The following PRR5L variants were observed in gnomAD, a reference collection of about 807,000 sequenced individuals.
The protein encoded by PRR5L is proline rich 5 like.
In PRR5L, 21 loss-of-function variants were observed where a neutral mutation model predicts 36.4. That is an observed-to-expected ratio of 0.58 (90% CI 0.41 to 0.83). PRR5L has a LOEUF of 0.83. Among genes scored for constraint, PRR5L ranks in the 40% least tolerant of loss-of-function variants. The pLI, the probability that PRR5L is intolerant of heterozygous loss-of-function variation, is 0.00. For synonymous variants in PRR5L, 188 were observed against 197.0 expected (o/e 0.95, Z 0.38); for missense variants, 381 against 473.3 (o/e 0.80, Z 1.81).
intron 1 of PRR5L, among the ~76,000 whole-genome samples, chr11:36,318,943 C>T (rs1856586554): frequency 6.6e-6 from 1 of 152,170 alleles, no homozygotes; most frequent in African/African-American, 2.4e-5. Context: ...CTTGACTTTT[C>T]TCGATTTTTT....
At position 36,403,331 on chromosome 11, in the gene PRR5L, G is replaced by C; in HGVS notation, c.198G>C (p.Gly66=). 6.2e-7 allele frequency: 1 copy of C among 1,614,148 alleles called. No homozygotes were observed. The highest frequency in any genetic ancestry group is 8.5e-7 in the Non-Finnish European group (1 of 1,180,018). ...CTGCTGTGATCAACGTTTTCAAAGGGGGTGGCTTGCAAAGCAACGAGCTCT... is the reference window on the plus strand; with the variant it reads ...CTGCTGTGATCAACGTTTTCAAAGGCGGTGGCTTGCAAAGCAACGAGCTCT... ...VQTAVINVFK[G]GGLQSNELYA... is the part of the protein sequence containing the mutation. The change falls in exon 3 of 9, where the codon GGG becomes GGC. Residue 66 remains glycine (G), a synonymous_variant. Transcript: ENST00000530639.
At chr11:36,299,115 C>G (rs570690072) in intron 1 of PRR5L, among the ~76,000 whole-genome samples, 2 of 152,280 alleles carry the variant, frequency 1.3e-5, no homozygotes, top group East Asian at 3.9e-4. Flanking sequence ...TTCCATTCCT[C>G]CTGGTGGTCC....
chr11:36,409,861 T>C (rs1398616374), intron 3 of PRR5L, among the ~76,000 whole-genome samples: 2 of 152,194 alleles, frequency 1.3e-5, no homozygotes, highest in African/African-American at 2.4e-5. Flanking sequence ...CCCAGAGTCA[T>C]GTAGCCAGTA....
intron 1 of PRR5L, among the ~76,000 whole-genome samples, chr11:36,368,309 AATGGCTTG>A (rs1857164758): frequency 6.6e-6 from 1 of 152,116 alleles, no homozygotes; most frequent in Admixed American, 6.5e-5. Flanking sequence ...AGAATAGTCT[AATGGCTTG>A]ATGGGGATTT....
At position 36,462,865 on chromosome 11, in the gene PRR5L, G is replaced by A; in HGVS notation, c.*129G>A. The stretch of plus-strand genomic sequence containing the variant: ...CTTATTTCCTTTAGGGTACTGTCCT[G>A]GTCAAAATGACCTAAGGGGAAACCG... On this transcript the variant is annotated 3_prime_UTR_variant, in exon 9 of 9. Transcript: ENST00000530639. 1 of 882,566 alleles carries A rather than the reference G, an allele frequency of 1.1e-6. No individual in the cohort carries two copies. Among genetic ancestry groups the A allele is most frequent in the South Asian group, 2.3e-5 (1 of 44,158 alleles). 54.7% of individuals were successfully genotyped at this position (882,566 alleles called of 1,614,324 possible). A position where few individuals can be genotyped will look rare whatever the true frequency, so the allele number is the denominator to read the frequency against.
chr11:36,416,314 A>G (rs1858141736), intron 3 of PRR5L, among the ~76,000 whole-genome samples: 1 of 152,224 alleles, frequency 6.6e-6, no homozygotes, highest in South Asian at 2.1e-4. Context: ...ATCTTGACTT[A>G]AATTATTAAG....
At chr11:36,394,120 C>A (rs751679324) in intron 1 of PRR5L, 7 of 152,166 alleles carry the variant, frequency 4.6e-5, no homozygotes, top group African/African-American at 7.2e-5. Context: ...ATAAAAGAAA[C>A]CATAGGTAGC....
intron 1 of PRR5L, among the ~76,000 whole-genome samples, chr11:36,371,034 C>T (rs753725724): frequency 3.3e-4 from 50 of 152,192 alleles, no homozygotes; most frequent in Non-Finnish European, 6.0e-4. Context: ...TAATTCACTA[C>T]GAGCCACTTT....
intron 4 of PRR5L, among the ~76,000 whole-genome samples, chr11:36,430,782 G>A (rs556617400): frequency 8.4e-4 from 128 of 152,298 alleles, no homozygotes; most frequent in Middle Eastern, 3.4e-3. Flanking sequence ...TTGGGACTCA[G>A]GGAAATTAAA....
At chr11:36,339,650 C>G (rs748362903) in intron 1 of PRR5L, among the ~76,000 whole-genome samples, 1 of 152,196 alleles carries the variant, frequency 6.6e-6, no homozygotes, top group Admixed American at 6.5e-5. Flanking sequence ...CTTGCCCAAA[C>G]TCACACAGCT....
intron 4 of PRR5L, among the ~76,000 whole-genome samples, chr11:36,423,450 C>G (rs910267447): frequency 6.6e-6 from 1 of 152,030 alleles, no homozygotes; most frequent in African/African-American, 2.4e-5. Context: ...TTTGTTGGGA[C>G]AAAGGTAGGA....
chr11:36,385,957 G>C (rs72950084), intron 1 of PRR5L, among the ~76,000 whole-genome samples: 5,769 of 152,298 alleles, frequency 0.038, 148 homozygotes, highest in East Asian at 0.1. Context: ...AAATGGGAAG[G>C]CTACTCTTCC....
At chr11:36,454,392 C>T (rs1018062267) in intron 8 of PRR5L, among the ~76,000 whole-genome samples, 2 of 152,126 alleles carry the variant, frequency 1.3e-5, no homozygotes, top group African/African-American at 2.4e-5. Context: ...CTCCGTCTAC[C>T]CCTTAGTAAA....
rs898119682 is a variant in PRR5L at position 36,377,982 on chromosome 11, G to C, written c.-125-23015G>C. On this transcript the variant is annotated intron_variant, in intron 1 of 8. Transcript: ENST00000530639. This position sits in a 1 kb window ranked among gnomAD's most constrained non-coding sequence, Gnocchi z 5.1. ...AGGGATGCCACCGGCCCAATGTACT[G>C]CCTTCATCCCCCACCATCCTCAAGG... is the stretch of plus-strand genomic sequence containing the variant. 2.0e-5 allele frequency among the ~76,000 whole-genome samples: 3 copies of C among 152,260 alleles called. No individual in the cohort carries two copies. Among genetic ancestry groups the C allele is most frequent in the African/African-American group, 7.2e-5 (3 of 41,558 alleles).
intron 1 of PRR5L, among the ~76,000 whole-genome samples, chr11:36,373,990 G>C (rs951950712): frequency 5.3e-5 from 8 of 152,264 alleles, no homozygotes; most frequent in Admixed American, 1.3e-4. Flanking sequence ...ATCCCTTATA[G>C]AGCTGATGTT....
intron 3 of PRR5L, 79 bp from the exon 4 acceptor site, chr11:36,419,176 C>A: frequency 7.3e-7 from 1 of 1,365,056 alleles, no homozygotes; most frequent in Non-Finnish European, 1.0e-6. Flanking sequence ...CCACCCCGTG[C>A]CACTGGTGAG....
chr11:36,338,244 T>C (rs1419325911), intron 1 of PRR5L, among the ~76,000 whole-genome samples: 5 of 152,262 alleles, frequency 3.3e-5, no homozygotes, highest in Non-Finnish European at 7.3e-5. Context: ...TTTCCTTTAC[T>C]TACTTGCAGT....
chr11:36,439,448 T>C (rs577748131), intron 6 of PRR5L, among the ~76,000 whole-genome samples: 1 of 152,168 alleles, frequency 6.6e-6, no homozygotes, highest in Non-Finnish European at 1.5e-5. Context: ...ACAATTAATA[T>C]TGCCCCTGTT....
In PRR5L at chr11:36,301,551, AGT is replaced by A. The variant is rs200214383; in HGVS notation, c.-126+5122_-126+5123del. Among the ~76,000 whole-genome samples the A allele has an allele frequency of 7.9e-3, 1,206 of 152,068 alleles. 15 individuals carry two copies. The highest frequency in any genetic ancestry group is 0.028 in the African/African-American group (1,155 of 41,462). On this transcript the variant is annotated intron_variant, in intron 1 of 8. Transcript: ENST00000530639. ...AAGGGATGCTATGCCATGATGGGTC[AGT>A]GTGTGTGTAGGGGGCCGAGGACCCT...
Sources: gnomAD v4.1 joint callset for allele counts (sites outside exome capture counted in the v4.1 genomes callset) on GRCh38, gnomAD v4.1.1 for gene constraint, Gnocchi (gnomAD v3.1) non-coding constraint, MANE v1.5 for transcripts, NCBI Gene and HGNC (gene_info 2026-07-23, HGNC 2026-07-21) for gene names.